The following CMIP variants were observed in gnomAD, a reference collection of about 807,000 sequenced individuals.
CMIP encodes C-Maf-inducing protein.
CMIP carries 13 observed loss-of-function variants against 97.3 expected under a neutral mutation model. That is an observed-to-expected ratio of 0.13 (90% CI 0.09 to 0.21). The LOEUF is 0.21. CMIP is among the 10% of genes least tolerant of loss of function. The probability of loss-of-function intolerance (pLI) is 1.00; values close to 1 mark genes in which losing one functional copy is unlikely to be tolerated. For synonymous variants in CMIP, 538 were observed against 436.3 expected, an observed-to-expected ratio of 1.23 and a Z score of -2.91; for missense variants, 847 against 1,024.9, an observed-to-expected ratio of 0.83 and a Z score of 2.37.
At chr16:81,472,087 C>T (rs1474329701) in intron 1 of CMIP, among the ~76,000 whole-genome samples, 1 of 152,200 alleles carries the variant, frequency 6.6e-6, no homozygotes, top group East Asian at 1.9e-4. Context: ...CACACACTCA[C>T]GCACATGCAC....
intron 1 of CMIP, among the ~76,000 whole-genome samples, chr16:81,487,412 A>G (rs1376242682): frequency 2.0e-5 from 3 of 152,284 alleles, no homozygotes; most frequent in African/African-American, 4.8e-5. Flanking sequence ...GAGGCCCCAG[A>G]CCAAACCACA....
At chr16:81,451,942 CTG>C (rs1454734373) in intron 1 of CMIP, among the ~76,000 whole-genome samples, 4 of 152,218 alleles carry the variant, frequency 2.6e-5, no homozygotes, top group African/African-American at 7.2e-5. Context: ...CCGAGGGAGA[CTG>C]TGCGCATTTT....
chr16:81,530,351 C>T (rs986403582), intron 1 of CMIP, among the ~76,000 whole-genome samples: 2 of 152,122 alleles, frequency 1.3e-5, no homozygotes, highest in African/African-American at 4.8e-5. Flanking sequence ...CCTCAGGGAC[C>T]TAGGTGCAGT....
At chr16:81,525,172 C>G (rs1245983825) in intron 1 of CMIP, among the ~76,000 whole-genome samples, 1 of 151,468 alleles carries the variant, frequency 6.6e-6, no homozygotes, top group Non-Finnish European at 1.5e-5. Context: ...GAGATGGAGT[C>G]TTGCTCAGCC....
At chr16:81,701,942 C>G in intron 16 of CMIP, 142 bp downstream of exon 16, 2 of 950,276 alleles carry the variant, frequency 2.1e-6, no homozygotes, top group South Asian at 1.5e-5. Context: ...ATTGGTATTA[C>G]CACCTGCCAC....
intron 1 of CMIP, among the ~76,000 whole-genome samples, chr16:81,521,630 A>G (rs1178141671): frequency 6.6e-6 from 1 of 152,170 alleles, no homozygotes; most frequent in African/African-American, 2.4e-5. Context: ...GCTTCTTCAA[A>G]AAGCCCCTCC....
chr16:81,510,178 C>G (rs2089783968), intron 1 of CMIP, among the ~76,000 whole-genome samples: 1 of 152,152 alleles, frequency 6.6e-6, no homozygotes, highest in African/African-American at 2.4e-5. Context: ...GGCTGCCACC[C>G]TCTTTGTGTT....
intron 1 of CMIP, among the ~76,000 whole-genome samples, chr16:81,560,423 T>G (rs974765616): frequency 1.3e-5 from 2 of 152,134 alleles, no homozygotes; most frequent in Admixed American, 6.5e-5. Context: ...TTTCACCGTG[T>G]TAGCCAGGAT....
At position 81,614,597 on chromosome 16, in the gene CMIP, G is replaced by A. The variant is rs554592650; in HGVS notation, c.427-6279G>A. Among the ~76,000 whole-genome samples the A allele has an allele frequency of 4.6e-5, 7 of 152,264 alleles. No individual in the cohort carries two copies. The highest frequency in any genetic ancestry group is 1.9e-4 in the East Asian group (1 of 5,174). On this transcript the variant is annotated intron_variant, in intron 2 of 20. Transcript: ENST00000537098. This position sits in a 1 kb window ranked among gnomAD's most constrained non-coding sequence, Gnocchi z 5.3. ...TGGGTTAGACCTGGGTCCTTAAGCC[G>A]TGGTCCATGGTAGATTCCAAAACTA...
chr16:81,472,583 A>G (rs1332493600), intron 1 of CMIP, among the ~76,000 whole-genome samples: 1 of 152,166 alleles, frequency 6.6e-6, no homozygotes, highest in Non-Finnish European at 1.5e-5. Context: ...TGCTCTCAGG[A>G]ACCTGAGCAT....
intron 16 of CMIP, 76 bp from the exon 17 acceptor site, chr16:81,702,543 GTGT>G: frequency 7.3e-7 from 1 of 1,369,544 alleles, no homozygotes; most frequent in Non-Finnish European, 1.0e-6. Context: ...GGCTCCATGA[GTGT>G]TGTTAACAGA....
chr16:81,524,967 T>C (rs2090101761), intron 1 of CMIP, among the ~76,000 whole-genome samples: 1 of 151,932 alleles, frequency 6.6e-6, no homozygotes, highest in African/African-American at 2.4e-5. Context: ...GGCTGATAAT[T>C]GTATTTTTAG....
intron 1 of CMIP, among the ~76,000 whole-genome samples, chr16:81,556,347 G>T (rs542285289): frequency 6.6e-6 from 1 of 152,232 alleles, no homozygotes; most frequent in African/African-American, 2.4e-5. Flanking sequence ...ACACGGGTGC[G>T]CTGGTGTCCC....
intron 12 of CMIP, 88 bp downstream of exon 12, chr16:81,693,272 AGGCAGTGGTGGCTCCTCTT>A (rs1206231855): frequency 7.0e-6 from 10 of 1,419,570 alleles, no homozygotes; most frequent in Non-Finnish European, 8.8e-6. Context: ...GCATTCTGGG[AGGCAGTGGTGGCTCCTCTT>A]GGCAGTTCTC....
intron 1 of CMIP, among the ~76,000 whole-genome samples, chr16:81,601,162 G>T (rs1401348929): frequency 1.3e-5 from 2 of 152,218 alleles, no homozygotes; most frequent in African/African-American, 2.4e-5. Flanking sequence ...ACTGGGCAAG[G>T]TTTCTCTGGC....
At chr16:81,521,745 C>T (rs2090032142) in intron 1 of CMIP, among the ~76,000 whole-genome samples, 1 of 152,090 alleles carries the variant, frequency 6.6e-6, no homozygotes, top group Admixed American at 6.5e-5. Flanking sequence ...TCCTATGATA[C>T]CTTGTAGATT....
At chr16:81,486,064 C>T (rs981108507) in intron 1 of CMIP, among the ~76,000 whole-genome samples, 1 of 152,224 alleles carries the variant, frequency 6.6e-6, no homozygotes, top group Non-Finnish European at 1.5e-5. Context: ...GAGAGGGGCT[C>T]CCAAAGGCCA....
intron 1 of CMIP, among the ~76,000 whole-genome samples, chr16:81,522,586 G>T (rs1434810609): frequency 6.6e-6 from 1 of 152,180 alleles, no homozygotes; most frequent in Non-Finnish European, 1.5e-5. Context: ...TAGGACATGT[G>T]GCTTCACCAC....
intron 2 of CMIP, among the ~76,000 whole-genome samples, chr16:81,612,067 T>G (rs1361414893): frequency 1.3e-5 from 2 of 152,250 alleles, no homozygotes; most frequent in African/African-American, 4.8e-5. Flanking sequence ...ATGCCCTTTC[T>G]GCTAGCATTT....
Sources: allele counts gnomAD v4.1 joint callset (sites outside exome capture counted in the v4.1 genomes callset), GRCh38; gene constraint gnomAD v4.1.1; non-coding constraint Gnocchi (gnomAD v3.1); transcripts MANE v1.5; gene names NCBI Gene and HGNC (gene_info 2026-07-23, HGNC 2026-07-21).